Variants in CLIP1 observed in about 807,000 individuals in gnomAD.
CLIP1 encodes CAP-Gly domain-containing linker protein 1.
A neutral mutation model predicts 161.6 loss-of-function variants in CLIP1; 66 were observed. That is an observed-to-expected ratio of 0.41 (90% CI 0.33 to 0.50). The LOEUF is 0.50. Ranked by LOEUF, CLIP1 falls within the 20% of genes least tolerant of loss-of-function variation. The probability of loss-of-function intolerance (pLI) is 0.27; values close to 1 mark genes in which losing one functional copy is unlikely to be tolerated. For synonymous variants in CLIP1, 598 were observed against 626.2 expected (o/e 0.96, Z 0.67); for missense variants, 1,376 against 1,702.0 (o/e 0.81, Z 3.37).
intron 1 of CLIP1, among the ~76,000 whole-genome samples, chr12:122,414,825 A>T (rs1956671372): frequency 6.6e-6 from 1 of 152,144 alleles, no homozygotes; most frequent in African/African-American, 2.4e-5. Context: ...ATTGTAACTC[A>T]AATGCCAACT....
In CLIP1 at chr12:122,295,478, T is replaced by C. The variant is rs554390072; in HGVS notation, c.3595-6937A>G. On this transcript the variant is annotated intron_variant, in intron 20 of 25. Transcript: ENST00000620786. ...TTCTACTGTGGTAAGGGAAAATAGT[T>C]TGAAATATTTCACCTTTTTAAATTG... is the stretch of plus-strand genomic sequence containing the variant. Among the ~76,000 whole-genome samples, 76 of 152,380 alleles carry C rather than the reference T, an allele frequency of 5.0e-4. No individual in the cohort carries two copies. The Middle Eastern group carries it at 0.01, about 20-fold the overall frequency.
chr12:122,399,492 C>T (rs1174240758), intron 1 of CLIP1: 3 of 152,194 alleles, frequency 2.0e-5, no homozygotes, highest in Non-Finnish European at 2.9e-5. Context: ...AGCGGCATCA[C>T]GTTGCCCCAA....
intron 1 of CLIP1, among the ~76,000 whole-genome samples, chr12:122,380,894 CAAAAAT>C (rs918614944): frequency 1.3e-5 from 2 of 151,680 alleles, no homozygotes; most frequent in Non-Finnish European, 2.9e-5. Flanking sequence ...CCTGTCTCTA[CAAAAAT>C]AAAAATAAAA....
At chr12:122,357,332 G>A (rs949535428) in intron 5 of CLIP1, among the ~76,000 whole-genome samples, 2 of 145,478 alleles carry the variant, frequency 1.4e-5, no homozygotes, top group East Asian at 2.1e-4. Flanking sequence ...CGGCCGCCCC[G>A]TCTGAGAAGA....
intron 20 of CLIP1, among the ~76,000 whole-genome samples, chr12:122,296,883 A>C (rs57412161): frequency 9.3e-5 from 14 of 150,432 alleles, no homozygotes; most frequent in Non-Finnish European, 1.9e-4. Context: ...AAAAAAAAAA[A>C]CATGCAGGGC....
At chr12:122,400,818 TGCGA>T (rs771770110) in intron 1 of CLIP1, 8 of 152,040 alleles carry the variant, frequency 5.3e-5, no homozygotes, top group Non-Finnish European at 1.2e-4. Flanking sequence ...TGCAAAATGA[TGCGA>T]TTTTCAAACT....
chr12:122,370,036 G>A (rs1001273579), intron 3 of CLIP1, among the ~76,000 whole-genome samples: 6 of 151,986 alleles, frequency 3.9e-5, no homozygotes, highest in African/African-American at 9.7e-5. Flanking sequence ...GGTGGCTCAC[G>A]CCTGTAGTCC....
chr12:122,390,008 C>T (rs774023652), intron 1 of CLIP1, among the ~76,000 whole-genome samples: 1 of 148,878 alleles, frequency 6.7e-6, no homozygotes, highest in Non-Finnish European at 1.5e-5. Context: ...CTCTTTCTCG[C>T]TTCTGGAACA....
At chr12:122,410,881 CAA>C (rs1956504818) in intron 1 of CLIP1, among the ~76,000 whole-genome samples, 2 of 152,226 alleles carry the variant, frequency 1.3e-5, no homozygotes, top group Middle Eastern at 3.4e-3. Flanking sequence ...CAGGTAAATA[CAA>C]ATCAAAATCA....
chr12:122,329,633 A>C (rs1008127489), intron 15 of CLIP1, among the ~76,000 whole-genome samples: 19 of 150,740 alleles, frequency 1.3e-4, no homozygotes, highest in African/African-American at 4.0e-4. Flanking sequence ...CTGTCTCAAA[A>C]AAAAAAATTA....
chr12:122,422,769 G>T (rs1259392389), upstream of CLIP1: 1 of 120,198 alleles, frequency 8.3e-6, no homozygotes, highest in Non-Finnish European at 2.0e-5. Flanking sequence ...CCGGCCCTGC[G>T]GCCCGCGCCC....
At chr12:122,400,891 A>T (rs1174646585) in intron 1 of CLIP1, 1 of 147,268 alleles carries the variant, frequency 6.8e-6, no homozygotes, top group Non-Finnish European at 1.5e-5. Context: ...GAAGCATTAC[A>T]GGGTTTCCCA....
intron 1 of CLIP1, among the ~76,000 whole-genome samples, chr12:122,387,580 ATATATATATATTTTTTTTTTTT>A (rs1566209556): frequency 3.2e-4 from 1 of 3,084 alleles, no homozygotes; most frequent in Admixed American, 6.6e-3. Flanking sequence ...ATATATATAT[ATATATATATATTTTTTTTTTTT>A]TTTTTTTTTT....
intron 3 of CLIP1, among the ~76,000 whole-genome samples, chr12:122,375,304 G>A (rs1448738531): frequency 1.3e-5 from 2 of 150,692 alleles, no homozygotes; most frequent in Admixed American, 6.6e-5. Flanking sequence ...CATTTGAAAG[G>A]CCCTGAAATT....
At chr12:122,375,650 T>A (rs1187626921) in intron 3 of CLIP1, among the ~76,000 whole-genome samples, 1 of 152,188 alleles carries the variant, frequency 6.6e-6, no homozygotes, top group Non-Finnish European at 1.5e-5. Context: ...CATCCTCTGA[T>A]GCCTTGAGTT....
intron 21 of CLIP1, among the ~76,000 whole-genome samples, chr12:122,284,324 G>T (rs1955763468): frequency 6.6e-6 from 1 of 151,196 alleles, no homozygotes. Flanking sequence ...AAGTAGGAGA[G>T]AGAACTTCAC....
At chr12:122,330,597 G>GTTTTTTTTTTTTTTGTT (rs1951903247) in intron 15 of CLIP1, among the ~76,000 whole-genome samples, 3 of 101,404 alleles carry the variant, frequency 3.0e-5, no homozygotes, top group African/African-American at 1.3e-4. Context: ...GTATAATGCA[G>GTTTTTTTTTTTTTTGTT]TTTTTTTTTT....
At chr12:122,411,136 C>T (rs1956514929) in intron 1 of CLIP1, among the ~76,000 whole-genome samples, 1 of 152,186 alleles carries the variant, frequency 6.6e-6, no homozygotes, top group Non-Finnish European at 1.5e-5. Flanking sequence ...GACACAAGAG[C>T]CAGGCATAGT....
intron 20 of CLIP1, among the ~76,000 whole-genome samples, chr12:122,297,669 C>T (rs934049371): frequency 6.6e-6 from 1 of 152,302 alleles, no homozygotes; most frequent in African/African-American, 2.4e-5. Context: ...ATTCTAGTCT[C>T]GCCTCCCACA....
Sources: allele counts gnomAD v4.1 joint callset (sites outside exome capture counted in the v4.1 genomes callset), GRCh38; gene constraint gnomAD v4.1.1; transcripts MANE v1.5; gene names NCBI Gene and HGNC (gene_info 2026-07-23, HGNC 2026-07-21).